Variants in SND1 observed in about 807,000 individuals in gnomAD.
SND1 encodes the protein staphylococcal nuclease and tudor domain containing 1, also known as staphylococcal nuclease domain-containing protein 1.
A neutral mutation model predicts 121.7 loss-of-function variants in SND1; 38 were observed. That is an observed-to-expected ratio of 0.31 (90% CI 0.24 to 0.41). SND1 has a LOEUF of 0.41. SND1 is among the 10% of genes least tolerant of loss of function. The pLI is 1.00. For missense variants in SND1, 868 were observed against 1,184.6 expected, an observed-to-expected ratio of 0.73 and a Z score of 3.92; for synonymous variants, 401 against 447.4, an observed-to-expected ratio of 0.90 and a Z score of 1.31.
At chr7:128,009,754 G>A (rs554488172) in intron 16 of SND1, among the ~76,000 whole-genome samples, 1 of 151,404 alleles carries the variant, frequency 6.6e-6, no homozygotes, top group East Asian at 1.9e-4. Context: ...CCATGCCAGT[G>A]AGTGTGTTTT....
intron 11 of SND1, among the ~76,000 whole-genome samples, chr7:127,808,944 G>T (rs886927894): frequency 6.6e-6 from 1 of 152,222 alleles, no homozygotes; most frequent in Non-Finnish European, 1.5e-5. Flanking sequence ...ATTGAAAGGA[G>T]TGGCAGCACA....
Position 128,030,092 on chromosome 7 carries a change from C to T in SND1, c.1779+39036C>T, listed in dbSNP as rs1792535501. The T allele has an allele frequency of 5.6e-6, 9 of 1,613,740 alleles. No homozygotes were observed. The South Asian group carries it at 7.7e-5, about 14-fold the overall frequency. ...AAGCTCCCTCAGAGATATACTCCAG[C>T]TTCTTGAGCTCCCCCAAGTCCAGGC... On this transcript the variant is annotated intron_variant, in intron 16 of 23. Transcript: ENST00000354725.
intron 3 of SND1, 56 bp downstream of exon 3, chr7:127,695,004 A>G: frequency 1.3e-6 from 2 of 1,582,342 alleles, no homozygotes; most frequent in African/African-American, 1.4e-5. Context: ...GTTAAAGATC[A>G]GTTTTCTTGT....
At position 128,015,106 on chromosome 7, in the gene SND1, C is replaced by A. The variant is rs1360997994; in HGVS notation, c.1779+24050C>A. On this transcript the variant is annotated intron_variant, in intron 16 of 23. Transcript: ENST00000354725. This position sits in a 1 kb window ranked among gnomAD's most constrained non-coding sequence, Gnocchi z 4.5. ...AGCAGCTGCACCTCCTCCCTCGCGC[C>A]TTCTGTCTGAGCCAACCTTGATTCA... 6.6e-6 allele frequency among the ~76,000 whole-genome samples: 1 copy of A among 152,222 alleles called. No individual in the cohort carries two copies. The highest frequency in any genetic ancestry group is 1.5e-5 in the Non-Finnish European group (1 of 68,042).
intron 15 of SND1, among the ~76,000 whole-genome samples, chr7:127,941,754 T>G (rs1464119503): frequency 6.6e-6 from 1 of 152,210 alleles, no homozygotes; most frequent in Non-Finnish European, 1.5e-5. Flanking sequence ...ATTTGTACCA[T>G]TGCCTTCTTC....
At chr7:128,002,065 A>T (rs770450192) in intron 16 of SND1, among the ~76,000 whole-genome samples, 21 of 152,258 alleles carry the variant, frequency 1.4e-4, no homozygotes, top group Non-Finnish European at 3.1e-4. Flanking sequence ...CATTCAGATT[A>T]GAATCAACAA....
chr7:127,709,049 TG>T (rs1052778845), intron 9 of SND1, among the ~76,000 whole-genome samples: 3 of 152,226 alleles, frequency 2.0e-5, no homozygotes, highest in African/African-American at 7.2e-5. Flanking sequence ...TCCCTCTTTT[TG>T]TAGGTGATGT....
At chr7:127,695,027 G>C (rs1795983618) in intron 3 of SND1, 79 bp downstream of exon 3, 1 of 1,547,508 alleles carries the variant, frequency 6.5e-7, no homozygotes, top group African/African-American at 1.4e-5. Flanking sequence ...TGGAAGGCCA[G>C]TGTGGGTTCT....
chr7:127,877,002 A>G (rs1272711578), intron 12 of SND1, among the ~76,000 whole-genome samples: 2 of 152,170 alleles, frequency 1.3e-5, no homozygotes, highest in Non-Finnish European at 2.9e-5. Context: ...TATATTTAAT[A>G]TGCCCTGCAT....
At chr7:127,812,608 G>C (rs1248049229) in intron 11 of SND1, among the ~76,000 whole-genome samples, 1 of 152,210 alleles carries the variant, frequency 6.6e-6, no homozygotes, top group Non-Finnish European at 1.5e-5. Flanking sequence ...TCACGGAGAA[G>C]TTGAGGGGCA....
intron 14 of SND1, among the ~76,000 whole-genome samples, chr7:127,916,325 C>A (rs745796669): frequency 5.9e-5 from 9 of 152,098 alleles, no homozygotes; most frequent in Admixed American, 1.3e-4. Context: ...AAGTGTCATG[C>A]ATGAGCTTTC....
intron 12 of SND1, among the ~76,000 whole-genome samples, chr7:127,886,192 A>G (rs1320706072): frequency 6.6e-6 from 1 of 152,056 alleles, no homozygotes; most frequent in East Asian, 1.9e-4. Flanking sequence ...GTTTGGAGAT[A>G]TTAATACCGT....
intron 10 of SND1, among the ~76,000 whole-genome samples, chr7:127,800,336 T>A (rs775574142): frequency 6.6e-6 from 1 of 152,254 alleles, no homozygotes; most frequent in African/African-American, 2.4e-5. Flanking sequence ...CATTAATTCA[T>A]ATATTATTGT....
intron 3 of SND1, among the ~76,000 whole-genome samples, chr7:127,696,291 G>C (rs546512171): frequency 6.6e-6 from 1 of 152,112 alleles, no homozygotes; most frequent in Non-Finnish European, 1.5e-5. Context: ...GAGGCATCTT[G>C]TTCGATTTCC....
At chr7:128,080,989 A>G (rs1584778343) in intron 17 of SND1, among the ~76,000 whole-genome samples, 1 of 150,292 alleles carries the variant, frequency 6.7e-6, no homozygotes. Flanking sequence ...CCCCTTTCCC[A>G]GTGTCTTTTT....
chr7:128,025,243 T>C (rs899819819), intron 16 of SND1, among the ~76,000 whole-genome samples: 3 of 152,212 alleles, frequency 2.0e-5, no homozygotes, highest in Non-Finnish European at 4.4e-5. Flanking sequence ...TCATTTTAAC[T>C]GTTTTGCTAG....
chr7:127,678,581 AACAC>A (rs1795654730), intron 1 of SND1, among the ~76,000 whole-genome samples: 1 of 152,132 alleles, frequency 6.6e-6, no homozygotes, highest in South Asian at 2.1e-4. Flanking sequence ...GCAATACAAA[AACAC>A]ATACGCACAC....
intron 15 of SND1, among the ~76,000 whole-genome samples, chr7:127,947,728 C>A (rs1249366281): frequency 1.3e-5 from 2 of 152,138 alleles, no homozygotes; most frequent in Non-Finnish European, 2.9e-5. Flanking sequence ...CAGTTCCCAT[C>A]CACTCTGAGT....
intron 16 of SND1, among the ~76,000 whole-genome samples, chr7:128,016,245 G>A (rs1210902514): frequency 6.7e-6 from 1 of 149,712 alleles, no homozygotes. Context: ...AGCCTCCCTA[G>A]TAGCTAGGAC....
Sources: allele counts gnomAD v4.1 joint callset (sites outside exome capture counted in the v4.1 genomes callset), GRCh38; gene constraint gnomAD v4.1.1; non-coding constraint Gnocchi (gnomAD v3.1); transcripts MANE v1.5; gene names NCBI Gene and HGNC (gene_info 2026-07-23, HGNC 2026-07-21).